The following BRINP3 variants were observed in gnomAD, a reference collection of about 807,000 sequenced individuals.
The protein encoded by BRINP3 is BMP/retinoic acid-inducible neural-specific protein 3.
Under a neutral mutation model 71.0 loss-of-function variants are expected in BRINP3, and 19 were observed. The observed-to-expected ratio is 0.27, with a 90% CI of 0.19 to 0.39. The LOEUF (loss-of-function observed/expected upper bound fraction) is 0.39. Among genes scored for constraint, BRINP3 ranks in the 10% least tolerant of loss-of-function variants. The probability of loss-of-function intolerance (pLI) is 1.00; values close to 1 mark genes in which losing one functional copy is unlikely to be tolerated. For missense variants in BRINP3, 959 were observed against 940.8 expected (o/e 1.02, Z -0.25); for synonymous variants, 380 against 337.7 (o/e 1.13, Z -1.37).
intron 3 of BRINP3, among the ~76,000 whole-genome samples, chr1:190,281,291 C>T (rs989497277): frequency 1.3e-5 from 2 of 151,862 alleles, no homozygotes; most frequent in Non-Finnish European, 2.9e-5. Context: ...TCCATATCAC[C>T]TTACAGAGTG....
At chr1:190,331,945 A>T (rs182810842) in intron 2 of BRINP3, among the ~76,000 whole-genome samples, 124 of 151,968 alleles carry the variant, frequency 8.2e-4, no homozygotes, top group Non-Finnish European at 1.5e-3. Context: ...CATCACTAGT[A>T]TTTTCTTAAT....
chr1:190,307,855 T>C (rs1430400850), intron 2 of BRINP3, among the ~76,000 whole-genome samples: 3 of 152,008 alleles, frequency 2.0e-5, no homozygotes, highest in Middle Eastern at 3.2e-3. Flanking sequence ...AATAATTAAA[T>C]GTGTGACTAA....
At chr1:190,189,716 G>A (rs761946406) in intron 6 of BRINP3, among the ~76,000 whole-genome samples, 7 of 151,542 alleles carry the variant, frequency 4.6e-5, no homozygotes, top group Non-Finnish European at 8.8e-5. Context: ...TTGCTTAAAA[G>A]AGTTATTTTG....
intron 3 of BRINP3, among the ~76,000 whole-genome samples, chr1:190,277,521 C>T (rs1215247915): frequency 1.3e-5 from 2 of 151,550 alleles, no homozygotes. Context: ...ATTTTGGTCT[C>T]TATGTTCCTT....
chr1:190,225,795 G>T lies in BRINP3; in HGVS notation c.961+287C>A, dbSNP rs147242690. On this transcript the variant is annotated intron_variant, in intron 6 of 7. Transcript: ENST00000367462. ...GTAGAGAAAAACCTCAGAGGTATCA[G>T]ATGATAACTTAAAATTTCTTGTACT... 2.4e-4 allele frequency among the ~76,000 whole-genome samples: 37 copies of T among 152,008 alleles called. 1 individual carries two copies. The East Asian group carries it at 6.8e-3, about 28-fold the overall frequency.
chr1:190,176,926 C>G (rs1652560921), intron 6 of BRINP3, among the ~76,000 whole-genome samples: 1 of 152,152 alleles, frequency 6.6e-6, no homozygotes, highest in Admixed American at 6.5e-5. Flanking sequence ...TGGCCAAACA[C>G]AGCCATTAGT....
chr1:190,350,956 G>C (rs1668347149), intron 2 of BRINP3, among the ~76,000 whole-genome samples: 1 of 151,942 alleles, frequency 6.6e-6, no homozygotes, highest in African/African-American at 2.4e-5. Context: ...CCAAGTAGCT[G>C]GGATTACAGG....
chr1:190,365,812 A>G (rs1230364958), intron 2 of BRINP3, among the ~76,000 whole-genome samples: 134 of 134,568 alleles, frequency 1.0e-3, no homozygotes, highest in African/African-American at 3.0e-3. Flanking sequence ...AAGTGTATAT[A>G]TATATATATA....
intron 2 of BRINP3, among the ~76,000 whole-genome samples, chr1:190,399,973 C>T (rs1671818662): frequency 6.6e-6 from 1 of 151,992 alleles, no homozygotes; most frequent in Admixed American, 6.6e-5. Context: ...CTTAAACCAT[C>T]ACACTCTCTA....
chr1:190,407,260 T>C lies in BRINP3; in HGVS notation c.236+47395A>G, dbSNP rs1023577195. On this transcript the variant is annotated intron_variant, in intron 2 of 7. Coordinates refer to ENST00000367462, the MANE Select transcript of BRINP3 (RefSeq NM_199051.3). ...TTTGATCATTATAGAATAAATTTCATAGAATCAGCAAAGCAATTTATTGAT... is the reference window on the plus strand; with the variant it reads ...TTTGATCATTATAGAATAAATTTCACAGAATCAGCAAAGCAATTTATTGAT... 1.4e-4 allele frequency among the ~76,000 whole-genome samples: 22 copies of C among 152,210 alleles called. 1 individual carries two copies. The highest frequency in any genetic ancestry group is 5.1e-4 in the African/African-American group (21 of 41,454).
intron 2 of BRINP3, among the ~76,000 whole-genome samples, chr1:190,385,016 A>G (rs1487379390): frequency 6.6e-6 from 1 of 152,060 alleles, no homozygotes. Context: ...GGCTAGCCAT[A>G]TGTAGAAAGC....
chr1:190,198,604 G>C (rs1023616117), intron 6 of BRINP3, among the ~76,000 whole-genome samples: 1 of 152,098 alleles, frequency 6.6e-6, no homozygotes, highest in African/African-American at 2.4e-5. Context: ...CAAGTTCAAA[G>C]TTTCACAAAT....
rs1219684335 is a variant in BRINP3 at position 190,306,135 on chromosome 1, A to G, written c.237-24385T>C. On this transcript the variant is annotated intron_variant, in intron 2 of 7. Coordinates refer to ENST00000367462, the MANE Select transcript of BRINP3 (RefSeq NM_199051.3). ...AATAATTTGTAATGCATCTATAAAT[A>G]CAATCATCACTCTTGTAGAGATGAT... Among the ~76,000 whole-genome samples the G allele has an allele frequency of 2.0e-5, 3 of 151,936 alleles. No individual in the cohort carries two copies. The East Asian group carries it at 5.8e-4, about 29-fold the overall frequency.
At chr1:190,469,345 TACTGTAA>T (rs1156391777) in intron 1 of BRINP3, among the ~76,000 whole-genome samples, 2 of 151,072 alleles carry the variant, frequency 1.3e-5, no homozygotes, top group Non-Finnish European at 3.0e-5. Context: ...GAAATTCTAT[TACTGTAA>T]ACTCAAGTAT....
chr1:190,370,658 T>C (rs547359590), intron 2 of BRINP3, among the ~76,000 whole-genome samples: 9 of 152,328 alleles, frequency 5.9e-5, no homozygotes, highest in African/African-American at 2.2e-4. Flanking sequence ...GAGGCTGGCT[T>C]GGCTAAGGTA....
At chr1:190,212,504 C>T (rs1656074112) in intron 6 of BRINP3, among the ~76,000 whole-genome samples, 2 of 152,020 alleles carry the variant, frequency 1.3e-5, no homozygotes. Context: ...TTTATATATC[C>T]TCATCTGAGA....
intron 2 of BRINP3, among the ~76,000 whole-genome samples, chr1:190,422,146 G>T (rs545388848): frequency 6.6e-6 from 1 of 151,600 alleles, no homozygotes; most frequent in African/African-American, 2.4e-5. Flanking sequence ...TCTATATAGT[G>T]CAAATCATAG....
chr1:190,473,769 T>C (rs1044201517), intron 1 of BRINP3, among the ~76,000 whole-genome samples: 94 of 100,416 alleles, frequency 9.4e-4, no homozygotes, highest in African/African-American at 3.1e-3. Context: ...ACCCATAATT[T>C]TCTATTTTTT....
At chr1:190,436,842 A>G (rs931172244) in intron 2 of BRINP3, among the ~76,000 whole-genome samples, 15 of 151,806 alleles carry the variant, frequency 9.9e-5, no homozygotes, top group African/African-American at 3.4e-4. Flanking sequence ...TCATTATTGT[A>G]TTTATTGAGC....
Sources: gnomAD v4.1 joint callset for allele counts (sites outside exome capture counted in the v4.1 genomes callset) on GRCh38, gnomAD v4.1.1 for gene constraint, MANE v1.5 for transcripts, NCBI Gene and HGNC (gene_info 2026-07-23, HGNC 2026-07-21) for gene names.